The following CACHD1 variants were observed in gnomAD, a reference collection of about 807,000 sequenced individuals.
CACHD1 encodes the protein cache domain containing 1.
A neutral mutation model predicts 138.7 loss-of-function variants in CACHD1; 71 were observed. The observed-to-expected ratio is 0.51, with a 90% CI of 0.42 to 0.62. The LOEUF (loss-of-function observed/expected upper bound fraction) is 0.62, where lower values mean the gene tolerates loss of function less well. Ranked by LOEUF, CACHD1 falls within the 20% of genes least tolerant of loss-of-function variation. The pLI, the probability that CACHD1 is intolerant of heterozygous loss-of-function variation, is 0.00. For synonymous variants in CACHD1, 578 were observed against 591.5 expected, an observed-to-expected ratio of 0.98 and a Z score of 0.33; for missense variants, 1,389 against 1,625.3, an observed-to-expected ratio of 0.85 and a Z score of 2.50.
chr1:64,658,800 G>C lies in CACHD1; in HGVS notation c.1878G>C (p.Lys626Asn). 1.2e-6 allele frequency: 2 copies of C among 1,603,288 alleles called. No individual in the cohort carries two copies. Among genetic ancestry groups the C allele is most frequent in the Non-Finnish European group, 1.7e-6 (2 of 1,173,570 alleles). The change falls in exon 13 of 27, where the codon AAG becomes AAC. Residue 626 changes from lysine (K) to asparagine (N), a missense_variant. This residue lies in a region of CACHD1 where 1,000 missense variants were observed against 1,114.7 expected (regional missense o/e 0.90). Transcript: ENST00000651257. ...LKNLNTVPSS[K>N]LLYHRLDLLG... is the part of the protein sequence containing the mutation. Reference sequence around the variant, plus strand: ...ACCTCAACACTGTTCCCAGCAGCAAGCTGCTGTACCACCGGCTGGATCTCC... The same window carrying C: ...ACCTCAACACTGTTCCCAGCAGCAACCTGCTGTACCACCGGCTGGATCTCC...
At chr1:64,514,689 G>A (rs1171230924) in intron 1 of CACHD1, among the ~76,000 whole-genome samples, 2 of 152,166 alleles carry the variant, frequency 1.3e-5, no homozygotes, top group Admixed American at 6.6e-5. Context: ...TTATGATGGT[G>A]TCAAAGTTCC....
chr1:64,647,826 G>T lies in CACHD1; in HGVS notation c.1182G>T (p.Leu394=). 6.2e-7 allele frequency: 1 copy of T among 1,614,174 alleles called. No individual in the cohort carries two copies. The stretch of plus-strand genomic sequence containing the variant: ...ATGGGGTGACTGGTTTGAAAGAGCT[G>T]GCTTTTCTGAGGGATCTAGCTGAAC... ...MNDGVTGLKE[L]AFLRDLAEQN... is the part of the protein sequence containing the mutation. The change falls in exon 9 of 27, where the codon CTG becomes CTT. Residue 394 remains leucine, a synonymous_variant. Transcript: ENST00000651257.
At chr1:64,555,002 G>C in intron 2 of CACHD1, among the ~76,000 whole-genome samples, 1 of 151,936 alleles carries the variant, frequency 6.6e-6, no homozygotes, top group East Asian at 1.9e-4. Context: ...TGTTTTGTTT[G>C]GTTTTGAGAT....
chr1:64,582,255 C>T lies in CACHD1; in HGVS notation c.361C>T (p.Pro121Ser), dbSNP rs1053660214. 6.2e-7 allele frequency: 1 copy of T among 1,613,866 alleles called. No homozygotes were observed. Residue 121 changes from proline to serine, a missense_variant, in exon 3 of 27, where the codon CCC becomes TCC. Transcript: ENST00000651257. The stretch of plus-strand genomic sequence containing the variant: ...ATCCTATACGGCTCACCTAACCTCT[C>T]CCCTAACTGCAATTCAAGACTGCTG... ...EASYTAHLTS[P>S]LTAIQDCCTI... is the part of the protein sequence containing the mutation.
chr1:64,524,397 T>C (rs925079252), intron 1 of CACHD1, among the ~76,000 whole-genome samples: 1 of 152,224 alleles, frequency 6.6e-6, no homozygotes. Context: ...GTTGGCTCCA[T>C]GTCTGCTTTT....
At chr1:64,520,795 G>T (rs1416195464) in intron 1 of CACHD1, among the ~76,000 whole-genome samples, 1 of 152,190 alleles carries the variant, frequency 6.6e-6, no homozygotes, top group African/African-American at 2.4e-5. Context: ...TAGCATGTGT[G>T]CAGTCCTTTC....
At chr1:64,533,853 C>T (rs307792) in intron 1 of CACHD1, among the ~76,000 whole-genome samples, 13,080 of 147,884 alleles carry the variant, frequency 0.088, 1,707 homozygotes, top group African/African-American at 0.29. Context: ...CCTGGGTTCA[C>T]GCCATTCTTC....
At chr1:64,620,970 G>C (rs1008646195) in intron 4 of CACHD1, among the ~76,000 whole-genome samples, 3 of 152,120 alleles carry the variant, frequency 2.0e-5, no homozygotes, top group Non-Finnish European at 4.4e-5. Flanking sequence ...ACAGTCTTTA[G>C]TGGGACCAAA....
At chr1:64,664,273 A>G in intron 14 of CACHD1, 1 of 563,014 alleles carries the variant, frequency 1.8e-6, no homozygotes, top group Non-Finnish European at 3.1e-6. Context: ...AAACTCAGAA[A>G]GCCTAGGTAG....
At chr1:64,566,486 C>CCCT (rs1553133841) in intron 2 of CACHD1, among the ~76,000 whole-genome samples, 1 of 143,522 alleles carries the variant, frequency 7.0e-6, no homozygotes, top group Non-Finnish European at 1.6e-5. Flanking sequence ...AATTCCCCCC[C>CCCT]CCCCACAAGG....
intron 6 of CACHD1, 98 bp downstream of exon 6, chr1:64,632,841 T>A: frequency 7.4e-7 from 1 of 1,347,720 alleles, no homozygotes. Context: ...CCTCCTTGAC[T>A]TACAATGGGG....
intron 1 of CACHD1, among the ~76,000 whole-genome samples, chr1:64,550,028 A>G (rs983345570): frequency 6.6e-6 from 1 of 152,120 alleles, no homozygotes; most frequent in African/African-American, 2.4e-5. Flanking sequence ...ATGTCTTGGC[A>G]CAGCTGTCAT....
intron 1 of CACHD1, among the ~76,000 whole-genome samples, chr1:64,529,077 T>A (rs1270209030): frequency 6.6e-6 from 1 of 152,144 alleles, no homozygotes; most frequent in Non-Finnish European, 1.5e-5. Context: ...GAATCTATAG[T>A]CTGGTGTTTG....
Position 64,471,021 on chromosome 1 carries a change from C to G in CACHD1, c.198+79C>G, listed in dbSNP as rs531961877. The G allele has an allele frequency of 6.3e-4, 880 of 1,399,776 alleles. 9 individuals carry two copies. The South Asian group carries it at 8.8e-3, about 14-fold the overall frequency. 86.7% of individuals were successfully genotyped at this position (1,399,776 alleles called of 1,614,324 possible). A position where few individuals can be genotyped will look rare whatever the true frequency, so the allele number is the denominator to read the frequency against. ...CCCATCCCACTCCCGGTACAAGTCC[C>G]CTGGACTGTGTGCATCGGCTCCTTG... On this transcript the variant is annotated intron_variant, in intron 1 of 26. Transcript: ENST00000651257.
In CACHD1 at chr1:64,647,996, C is replaced by T; in HGVS notation, c.1352C>T (p.Ala451Val). 1 of 1,613,718 alleles carries T rather than the reference C, an allele frequency of 6.2e-7. No homozygotes were observed. The highest frequency in any genetic ancestry group is 8.5e-7 in the Non-Finnish European group (1 of 1,179,884). ...TNLPNRMIDE[A>V]VFSLPFSDEM... ...CTTCCCAACCGGATGATTGATGAAG[C>T]CGTCTTCAGCCTGCCCTTCTCTGAT... The change falls in exon 9 of 27, where the codon GCC becomes GTC. Residue 451 changes from alanine to valine, a missense_variant. By Grantham distance (64) the Ala-to-Val change is moderately conservative (BLOSUM62 0). Transcript: ENST00000651257.
intron 2 of CACHD1, among the ~76,000 whole-genome samples, chr1:64,560,383 A>G (rs1243944633): frequency 6.6e-6 from 1 of 151,634 alleles, no homozygotes; most frequent in Non-Finnish European, 1.5e-5. Context: ...ATATACCTCA[A>G]AGTTTGACAT....
intron 1 of CACHD1, among the ~76,000 whole-genome samples, chr1:64,487,461 G>A (rs1646250101): frequency 6.6e-6 from 1 of 151,986 alleles, no homozygotes; most frequent in Admixed American, 6.6e-5. Flanking sequence ...TCCTAGAGCT[G>A]GGTTGATTCT....
At chr1:64,633,928 C>G in intron 6 of CACHD1, 116 bp from the exon 7 acceptor site, 2 of 708,346 alleles carry the variant, frequency 2.8e-6, no homozygotes, top group Admixed American at 2.9e-5. Context: ...TTGAAACTCT[C>G]AGAATCTGTT....
chr1:64,506,733 GTTACT>G (rs1417192470), intron 1 of CACHD1, among the ~76,000 whole-genome samples: 3 of 152,168 alleles, frequency 2.0e-5, no homozygotes, highest in Non-Finnish European at 2.9e-5. Context: ...GTTCTTGCCC[GTTACT>G]TACTGTGTTT....
Sources: gnomAD v4.1 joint callset for allele counts (sites outside exome capture counted in the v4.1 genomes callset) on GRCh38, gnomAD v4.1.1 for gene constraint, gnomAD v4.1.1 regional missense constraint, MANE v1.5 for transcripts, NCBI Gene and HGNC (gene_info 2026-07-23, HGNC 2026-07-21) for gene names.